BARHL2: variants seen among roughly 807,000 people sequenced by gnomAD.
BARHL2 encodes BarH like homeobox 2.
In BARHL2, 10 loss-of-function variants were observed where a neutral mutation model predicts 27.1. The observed-to-expected ratio is 0.37, with a 90% CI of 0.23 to 0.63. The LOEUF (loss-of-function observed/expected upper bound fraction) is 0.63. Among genes scored for constraint, BARHL2 ranks in the 20% least tolerant of loss-of-function variants. The pLI, the probability that BARHL2 is intolerant of heterozygous loss-of-function variation, is 0.65. For synonymous variants in BARHL2, 248 were observed against 224.7 expected (o/e 1.10, Z -0.93); for missense variants, 483 against 533.5 (o/e 0.91, Z 0.93).
chr1:90,714,554 G>C lies in BARHL2; in HGVS notation c.828C>G (p.Val276=). 1 of 1,614,206 alleles carries C rather than the reference G, an allele frequency of 6.2e-7. No individual in the cohort carries two copies. The highest frequency in any genetic ancestry group is 8.5e-7 in the Non-Finnish European group (1 of 1,180,026). The change falls in exon 2 of 3, where the codon GTC becomes GTG. Residue 276 remains valine (V), a synonymous_variant. Transcript: ENST00000370445. The part of the protein sequence containing the change: ...AAALNLTDTQ[V]KTWYQNRRTK... ...ACCTGCGGTTCTGGTACCAGGTCTTGACTTGGGTGTCAGTGAGGTTGAGCG... is the reference window on the plus strand; with the variant it reads ...ACCTGCGGTTCTGGTACCAGGTCTTCACTTGGGTGTCAGTGAGGTTGAGCG...
chr1:90,712,684 C>T (rs1343228331), intron 2 of BARHL2, 60 bp from the exon 3 acceptor site: 1 of 1,488,086 alleles, frequency 6.7e-7, no homozygotes, highest in Admixed American at 2.2e-5. Flanking sequence ...GGCACCAAGA[C>T]CCGGCCCCTT....
chr1:90,717,113 A>G lies in BARHL2; in HGVS notation c.83T>C (p.Met28Thr). The change falls in exon 1 of 3, where the codon ATG becomes ACG. Residue 28 changes from methionine to threonine, a missense_variant. By Grantham distance (81) the Met-to-Thr change is moderately conservative (BLOSUM62 -1). Transcript: ENST00000370445. ...SSASSGSPGM[M>T]NGDFRPLGEA... ...ACCGAGCGGGCGGAAATCTCCATTC[A>G]TCATGCCTGGGCTGCCTGAACTGGC... The G allele has an allele frequency of 3.7e-6, 6 of 1,613,890 alleles. No individual in the cohort carries two copies. Among genetic ancestry groups the G allele is most frequent in the Non-Finnish European group, 5.1e-6 (6 of 1,179,966 alleles).
intron 1 of BARHL2, among the ~76,000 whole-genome samples, chr1:90,716,122 G>A (rs879038911): frequency 6.7e-6 from 1 of 148,670 alleles, no homozygotes; most frequent in Admixed American, 6.7e-5. Flanking sequence ...AAAGTGGGGG[G>A]GGGGTGAAAT....
In BARHL2 at chr1:90,716,658, C is replaced by T. The variant is rs1335719892; in HGVS notation, c.538G>A (p.Glu180Lys). The T allele has an allele frequency of 1.2e-6, 2 of 1,613,736 alleles. No homozygotes were observed. The highest frequency in any genetic ancestry group is 4.5e-5 in the East Asian group (2 of 44,862). The change falls in exon 1 of 3, where the codon GAG (glutamate) becomes AAG (lysine). Residue 180 changes from glutamate (E) to lysine (K), a missense_variant. By Grantham distance (56) the Glu-to-Lys change is moderately conservative. Coordinates refer to ENST00000370445, the MANE Select transcript of BARHL2 (RefSeq NM_020063.2). ...TGCTCGAGCTTTGGCCTGAAGCTCT[C>T]GTGCACTGCGTTGCTCTCCTGCTTC... The part of the protein sequence containing the change: ...TPKQESNAVH[E>K]SFRPKLEQED...
intron 2 of BARHL2, among the ~76,000 whole-genome samples, chr1:90,714,102 C>A (rs910154243): frequency 6.6e-6 from 1 of 152,206 alleles, no homozygotes; most frequent in Non-Finnish European, 1.5e-5. Context: ...GTGGGAATAG[C>A]AATAGCTGGG....
chr1:90,716,124 G>C (rs559788634), intron 1 of BARHL2, among the ~76,000 whole-genome samples: 1 of 146,946 alleles, frequency 6.8e-6, no homozygotes, highest in East Asian at 2.0e-4. Flanking sequence ...AGTGGGGGGG[G>C]GGTGAAATCA....
In BARHL2 at chr1:90,717,058, C is replaced by G. The variant is rs773799081; in HGVS notation, c.138G>C (p.Gln46His). The change falls in exon 1 of 3, where the codon CAG becomes CAC. Residue 46 changes from glutamine (Q) to histidine (H), a missense_variant. By Grantham distance (24) the Gln-to-His change is conservative. Around this residue, in one of 3 missense-constraint regions of BARHL2, gnomAD observed 304 missense variants for 284.9 expected, o/e 1.07. Coordinates refer to ENST00000370445, the MANE Select transcript of BARHL2 (RefSeq NM_020063.2). ...GEARTADFRS[Q>H]ATPSPCSEID... ...TCTCCGAACAGGGAGATGGGGTGGC[C>G]TGACTCCTAAAATCCGCGGTCCTGG... 3 of 1,613,958 alleles carry G rather than the reference C, an allele frequency of 1.9e-6. No individual in the cohort carries two copies. In the East Asian group the frequency reaches 6.7e-5, roughly 36 times the overall value.
At chr1:90,714,411 C>T in intron 2 of BARHL2, 120 bp downstream of exon 2, 2 of 961,106 alleles carry the variant, frequency 2.1e-6, no homozygotes, top group Non-Finnish European at 1.6e-6. Context: ...CACCCAAGTG[C>T]CCACTCCAGG....
At position 90,714,743 on chromosome 1, in the gene BARHL2, T is replaced by G; in HGVS notation, c.639A>C (p.Glu213Asp). Residue 213 changes from glutamate (E) to aspartate (D), a missense_variant, in exon 2 of 3, where the codon GAA becomes GAC. Glu to Asp is a conservative substitution (Grantham distance 45). Transcript: ENST00000370445. ...SDIKCHGTKE[E>D]GDREITSSRE... ...GGCTACTCGTAATCTCCCGGTCTCC[T>G]TCCTCCTTTGTCCCTACCATAGAAA... The G allele has an allele frequency of 5.0e-6, 8 of 1,614,174 alleles. No individual in the cohort carries two copies. Among genetic ancestry groups the G allele is most frequent in the Non-Finnish European group, 6.8e-6 (8 of 1,180,006 alleles).
intron 1 of BARHL2, among the ~76,000 whole-genome samples, chr1:90,714,959 C>CTT (rs1291972146): frequency 2.6e-5 from 4 of 152,124 alleles, no homozygotes; most frequent in Admixed American, 1.3e-4. Context: ...AGTATGGGAC[C>CTT]TTGTTTAGAG....
At position 90,712,358 on chromosome 1, in the gene BARHL2, A is replaced by G; in HGVS notation, c.1118T>C (p.Leu373Pro). 1 of 1,539,638 alleles carries G rather than the reference A, an allele frequency of 6.5e-7. No individual in the cohort carries two copies. The highest frequency in any genetic ancestry group is 8.8e-7 in the Non-Finnish European group (1 of 1,138,286). ...TGGGATGGGGCTGGACAATGGATTA[A>G]GGGCTGGCTGTCCCCCAGGCCCTAG... Reference protein sequence around the residue: ...HGLGPGGQPALNPLSSPIPGT... With the variant: ...HGLGPGGQPAPNPLSSPIPGT... The change falls in exon 3 of 3, where the codon CTT (leucine) becomes CCT (proline). Residue 373 changes from leucine to proline, a missense_variant. By Grantham distance (98) the Leu-to-Pro change is moderately conservative. Around this residue, in one of 3 missense-constraint regions of BARHL2, gnomAD observed 130 missense variants for 138.0 expected, o/e 0.94. Transcript: ENST00000370445.
At chr1:90,715,417 T>C (rs1482028411) in intron 1 of BARHL2, among the ~76,000 whole-genome samples, 2 of 152,082 alleles carry the variant, frequency 1.3e-5, no homozygotes, top group Non-Finnish European at 2.9e-5. Context: ...CCGGATTCTA[T>C]TTGTCAACTT....
chr1:90,713,442 T>C (rs146273856), intron 2 of BARHL2, among the ~76,000 whole-genome samples: 1 of 152,306 alleles, frequency 6.6e-6, no homozygotes, highest in East Asian at 1.9e-4. Flanking sequence ...AAATACCTTA[T>C]GAAGGAACGC....
chr1:90,712,035 T>C lies in BARHL2; in HGVS notation c.*277A>G, dbSNP rs1358417699. On this transcript the variant is annotated 3_prime_UTR_variant, in exon 3 of 3. Coordinates refer to ENST00000370445, the MANE Select transcript of BARHL2 (RefSeq NM_020063.2). ...TGTTTTTGTTGATGTTTTCACTTAC[T>C]GGTTGCACTCTGTGTGGGGTCAGCA... 4 of 345,386 alleles carry C rather than the reference T, an allele frequency of 1.2e-5. No homozygotes were observed. The highest frequency in any genetic ancestry group is 2.1e-5 in the Non-Finnish European group (4 of 192,298). The allele number at this position is 345,386 out of a possible 1,614,324, so 21.4% of individuals were successfully genotyped here.
rs752327071 is a variant in BARHL2, at chr1:90,716,825, G to T, written c.371C>A (p.Pro124His). 35 of 1,546,914 alleles carry T rather than the reference G, an allele frequency of 2.3e-5. No homozygotes were observed. The highest frequency in any genetic ancestry group is 2.8e-5 in the Non-Finnish European group (32 of 1,145,422). ...PLPPQQPPPP[P>H]PQQLGSAASA... ...GGCGGCCGAGCCCAGCTGCTGGGGG[G>T]GCGGCGGCGGCGGCTGCTGTGGCGG... The change falls in exon 1 of 3, where the codon CCC becomes CAC. Residue 124 changes from proline (P) to histidine (H), a missense_variant. Physicochemically the swap from Pro to His is moderately conservative, Grantham distance 77. Coordinates refer to ENST00000370445, the MANE Select transcript of BARHL2 (RefSeq NM_020063.2).
Position 90,712,315 on chromosome 1 carries a change from C to G in BARHL2, c.1161G>C (p.Arg387=). 6.9e-7 allele frequency: 1 copy of G among 1,458,708 alleles called. No individual in the cohort carries two copies. The highest frequency in any genetic ancestry group is 1.4e-5 in the South Asian group (1 of 70,514). The allele number at this position is 1,458,708 out of a possible 1,614,324, so 90.4% of individuals were successfully genotyped here. A position where few individuals can be genotyped will look rare whatever the true frequency, so the allele number is the denominator to read the frequency against. ...CAGTGCCTTCGCTGCAATGTTTTCA[C>G]CGGGGGTGTGGGGTGCCTGGGATGG... ...SSPIPGTPHP[R] is the part of the protein sequence containing the mutation. The change falls in exon 3 of 3, where the codon CGG becomes CGC. Residue 387 remains arginine (R), a synonymous_variant. Transcript: ENST00000370445.
chr1:90,716,414 C>G (rs925756719), intron 1 of BARHL2, among the ~76,000 whole-genome samples, 157 bp downstream of exon 1: 9 of 152,186 alleles, frequency 5.9e-5, no homozygotes, highest in Non-Finnish European at 1.0e-4. Context: ...CATCGCACGC[C>G]CAGGCCTCCC....
intron 1 of BARHL2, 133 bp from the exon 2 acceptor site, chr1:90,714,889 C>A (rs1431059320): frequency 2.8e-6 from 2 of 721,580 alleles, no homozygotes; most frequent in Admixed American, 2.1e-5. Flanking sequence ...ACCCCTAGAA[C>A]ACACACACAC....
At position 90,716,739 on chromosome 1, in the gene BARHL2, G is replaced by T. The variant is rs538941381; in HGVS notation, c.457C>A (p.Pro153Thr). ...CTGTAGGGTGCACATGCCGCCAGAG[G>T]TTTGCTGTCGCCCAAGATGTCCTTA... is the stretch of plus-strand genomic sequence containing the variant. ...LIKDILGDSK[P>T]LAACAPYSTS... Residue 153 changes from proline (P) to threonine (T), a missense_variant, in exon 1 of 3, where the codon CCT (proline) becomes ACT (threonine). By Grantham distance (38) the Pro-to-Thr change is conservative. Around this residue, in one of 3 missense-constraint regions of BARHL2, gnomAD observed 304 missense variants for 284.9 expected, o/e 1.07. Coordinates refer to ENST00000370445, the MANE Select transcript of BARHL2 (RefSeq NM_020063.2). The T allele has an allele frequency of 1.3e-6, 2 of 1,599,046 alleles. No individual in the cohort carries two copies. The highest frequency in any genetic ancestry group is 1.7e-6 in the Non-Finnish European group (2 of 1,172,262).
Sources: gnomAD v4.1 joint callset for allele counts (sites outside exome capture counted in the v4.1 genomes callset) on GRCh38, gnomAD v4.1.1 for gene constraint, gnomAD v4.1.1 regional missense constraint, MANE v1.5 for transcripts, NCBI Gene and HGNC (gene_info 2026-07-23, HGNC 2026-07-21) for gene names.